CAPNS1: variants seen among roughly 807,000 people sequenced by gnomAD.
The protein encoded by CAPNS1 is CANP small subunit.
CAPNS1 carries 32 observed loss-of-function variants against 39.2 expected under a neutral mutation model. That is an observed-to-expected ratio of 0.82 (90% CI 0.62 to 1.10). The LOEUF is 1.10. Ranked by LOEUF, CAPNS1 falls within the 50% of genes least tolerant of loss-of-function variation. The probability of loss-of-function intolerance (pLI) is 0.00; values close to 1 mark genes in which losing one functional copy is unlikely to be tolerated. For missense variants in CAPNS1, 353 were observed against 373.1 expected, an observed-to-expected ratio of 0.95 and a Z score of 0.44; for synonymous variants, 153 against 136.2, an observed-to-expected ratio of 1.12 and a Z score of -0.86.
intron 9 of CAPNS1, among the ~76,000 whole-genome samples, chr19:36,149,202 C>T (rs1272681540): frequency 6.6e-6 from 1 of 152,184 alleles, no homozygotes; most frequent in Non-Finnish European, 1.5e-5. Flanking sequence ...TCCCTTCCTG[C>T]CTCATTTCTT....
intron 6 of CAPNS1, among the ~76,000 whole-genome samples, chr19:36,144,864 C>T (rs1337986052): frequency 2.6e-5 from 4 of 152,232 alleles, no homozygotes; most frequent in South Asian, 2.1e-4. Flanking sequence ...GATACCGAAT[C>T]GGAACTACAT....
At chr19:36,149,763 CT>C (rs1974708185) in intron 10 of CAPNS1, 49 bp from the exon 11 acceptor site, 2 of 1,493,940 alleles carry the variant, frequency 1.3e-6, no homozygotes, top group East Asian at 4.7e-5. Flanking sequence ...GGCAAAGGGG[CT>C]GGTGCTCTTG....
intron 2 of CAPNS1, among the ~76,000 whole-genome samples, chr19:36,142,089 G>C (rs1315984632): frequency 6.6e-6 from 1 of 152,158 alleles, no homozygotes; most frequent in African/African-American, 2.4e-5. Flanking sequence ...GGGTTTCCTC[G>C]AGGGTGGGGT....
At chr19:36,143,000 C>T in intron 5 of CAPNS1, 34 bp downstream of exon 5, 1 of 1,613,542 alleles carries the variant, frequency 6.2e-7, no homozygotes, top group Non-Finnish European at 8.5e-7. Context: ...AGGGTAGATT[C>T]AGAGGCAGAG....
chr19:36,142,222 T>A, intron 2 of CAPNS1, 78 bp from the exon 3 acceptor site: 1 of 862,834 alleles, frequency 1.2e-6, no homozygotes, highest in South Asian at 1.3e-5. Flanking sequence ...TCTGGAGCGT[T>A]GGGGCTGATG....
Position 36,141,219 on chromosome 19 carries a change from A to C in CAPNS1, c.208A>C (p.Ser70Arg). ...RILGGVISAI[S>R]EAAAQYNPEP... The stretch of plus-strand genomic sequence containing the variant: ...CCTAGGCGGAGTCATCAGCGCCATC[A>C]GGTAAGGCGGAGACTATCAGAGGGG... The change falls in exon 2 of 11, where the codon AGC becomes CGC. Residue 70 changes from serine to arginine, a missense_variant and splice_region_variant. Transcript: ENST00000246533. 6.6e-7 allele frequency: 1 copy of C among 1,505,456 alleles called. No individual in the cohort carries two copies. The highest frequency in any genetic ancestry group is 8.8e-7 in the Non-Finnish European group (1 of 1,133,570). The allele number at this position is 1,505,456 out of a possible 1,614,324, so 93.3% of individuals were successfully genotyped here.
At position 36,150,145 on chromosome 19, in the gene CAPNS1, G is replaced by T; in HGVS notation, c.*306G>T. 3.1e-6 allele frequency: 1 copy of T among 318,500 alleles called. No individual in the cohort carries two copies. The highest frequency in any genetic ancestry group is 5.7e-6 in the Non-Finnish European group (1 of 175,316). The allele number at this position is 318,500 out of a possible 1,614,324, so 19.7% of individuals were successfully genotyped here. On this transcript the variant is annotated 3_prime_UTR_variant, in exon 11 of 11. Coordinates refer to ENST00000246533, the MANE Select transcript of CAPNS1 (RefSeq NM_001749.4). ...TGTACCTGTGCCAAGCCTAGCACTTGTGATGCCTCCATGCCCCGAGGGCCC... is the reference window on the plus strand; with the variant it reads ...TGTACCTGTGCCAAGCCTAGCACTTTTGATGCCTCCATGCCCCGAGGGCCC...
At chr19:36,144,444 T>C (rs1456489447) in intron 6 of CAPNS1, among the ~76,000 whole-genome samples, 1 of 152,208 alleles carries the variant, frequency 6.6e-6, no homozygotes, top group Non-Finnish European at 1.5e-5. Flanking sequence ...CACACCCACA[T>C]ACGTGAAGGT....
chr19:36,149,419 A>G (rs1170938485), intron 9 of CAPNS1, among the ~76,000 whole-genome samples, 159 bp from the exon 10 acceptor site: 1 of 152,178 alleles, frequency 6.6e-6, no homozygotes, highest in Non-Finnish European at 1.5e-5. Flanking sequence ...AAATCAGCCA[A>G]TACCTGGAAA....
chr19:36,143,167 CAG>C (rs1444168443), intron 6 of CAPNS1, 39 bp downstream of exon 6: 8 of 1,588,348 alleles, frequency 5.0e-6, no homozygotes, highest in Admixed American at 5.0e-5. Context: ...CCTGGGTGGA[CAG>C]AGAGTTTTTT....
chr19:36,141,188 G>A lies in CAPNS1; in HGVS notation c.177G>A (p.Met59Ile). The A allele has an allele frequency of 1.4e-6, 2 of 1,454,640 alleles. No individual in the cohort carries two copies. The highest frequency in any genetic ancestry group is 1.8e-6 in the Non-Finnish European group (2 of 1,109,520). 90.1% of individuals were successfully genotyped at this position (1,454,640 alleles called of 1,614,324 possible). Residue 59 changes from methionine (M) to isoleucine (I), a missense_variant, in exon 2 of 11, where the codon ATG becomes ATA. Met to Ile is a conservative substitution (Grantham distance 10, BLOSUM62 1). Transcript: ENST00000246533. ...GCGGCGGTGGCGGTGGAACGGCCAT[G>A]CGCATCCTAGGCGGAGTCATCAGCG... ...GGGGGGGGTA[M>I]RILGGVISAI... is the part of the protein sequence containing the mutation.
chr19:36,149,747 G>A, intron 10 of CAPNS1, 66 bp from the exon 11 acceptor site: 1 of 1,590,254 alleles, frequency 6.3e-7, no homozygotes, highest in Admixed American at 1.8e-5. Context: ...GCCGTCCCTG[G>A]GTGAGGGCAA....
rs1226799635 is a variant in CAPNS1 at position 36,141,113 on chromosome 19, C to T, written c.102C>T (p.Ser34=). The change falls in exon 2 of 11, where the codon AGC becomes AGT. Residue 34 remains serine (S), a synonymous_variant. Transcript: ENST00000246533. ...GAAATGTGCTTGGAGGCCTGATCAG[C>T]GGGGCCGGGGGCGGCGGCGGCGGCG... The part of the protein sequence containing the change: ...GLGNVLGGLI[S]GAGGGGGGGG... 7 of 1,385,086 alleles carry T rather than the reference C, an allele frequency of 5.1e-6. No homozygotes were observed. In the African/African-American group the frequency reaches 6.2e-5, roughly 12 times the overall value. 85.8% of individuals were successfully genotyped at this position (1,385,086 alleles called of 1,614,324 possible).
At position 36,141,223 on chromosome 19, in the gene CAPNS1, A is replaced by G. The variant is rs901350121; in HGVS notation, c.209+3A>G. On this transcript the variant is annotated splice_donor_region_variant and intron_variant, in intron 2 of 10. Coordinates refer to ENST00000246533, the MANE Select transcript of CAPNS1 (RefSeq NM_001749.4). ...GGCGGAGTCATCAGCGCCATCAGGT[A>G]AGGCGGAGACTATCAGAGGGGCGGG... 4.0e-6 allele frequency: 6 copies of G among 1,513,424 alleles called. No individual in the cohort carries two copies. Among genetic ancestry groups the G allele is most frequent in the African/African-American group, 2.9e-5 (2 of 68,972 alleles). 93.7% of individuals were successfully genotyped at this position (1,513,424 alleles called of 1,614,324 possible). A position where few individuals can be genotyped will look rare whatever the true frequency, so the allele number is the denominator to read the frequency against.
chr19:36,142,360 C>T (rs768321242), intron 3 of CAPNS1, 27 bp downstream of exon 3: 10 of 1,357,554 alleles, frequency 7.4e-6, no homozygotes, highest in African/African-American at 4.3e-5. Context: ...ACCAGACCCC[C>T]TTCTCCTGCC....
At position 36,149,998 on chromosome 19, in the gene CAPNS1, TC is replaced by T; in HGVS notation, c.*161del. 1.6e-6 allele frequency: 1 copy of T among 635,224 alleles called. No homozygotes were observed. The highest frequency in any genetic ancestry group is 2.4e-6 in the Non-Finnish European group (1 of 424,242). The allele number at this position is 635,224 out of a possible 1,614,324, so 39.3% of individuals were successfully genotyped here. On this transcript the variant is annotated 3_prime_UTR_variant, in exon 11 of 11. Transcript: ENST00000246533. ...GTACTTGTTACCCAGCTTCTCAACA[TC>T]CAGGGCCCAATTTGCCCTGCCTGGA...
Position 36,143,115 on chromosome 19 carries a change from T to G in CAPNS1, c.443T>G (p.Val148Gly), listed in dbSNP as rs1317414199. 6.2e-7 allele frequency: 1 copy of G among 1,614,100 alleles called. No individual in the cohort carries two copies. The highest frequency in any genetic ancestry group is 1.7e-5 in the Admixed American group (1 of 60,022). Residue 148 changes from valine (V) to glycine (G), a missense_variant, in exon 6 of 11, where the codon GTG becomes GGG. Val to Gly is a moderately radical substitution (Grantham distance 109). Coordinates refer to ENST00000246533, the MANE Select transcript of CAPNS1 (RefSeq NM_001749.4). ...GGCATTGACACATGTCGCAGCATGG[T>G]GGCCGTGATGGATGTATCCTTGGGG... The part of the protein sequence containing the change: ...GFGIDTCRSM[V>G]AVMDSDTTGK...
chr19:36,144,896 A>G (rs930266558), intron 6 of CAPNS1, among the ~76,000 whole-genome samples: 29 of 152,232 alleles, frequency 1.9e-4, no homozygotes, highest in African/African-American at 6.8e-4. Flanking sequence ...AGCACAGTGT[A>G]TAGCGCATAG....
Position 36,142,314 on chromosome 19 carries a change from A to G in CAPNS1, c.224A>G (p.Gln75Arg), listed in dbSNP as rs1338454475. Residue 75 changes from glutamine (Q) to arginine (R), a missense_variant, in exon 3 of 11, where the codon CAG (glutamine) becomes CGG (arginine). Coordinates refer to ENST00000246533, the MANE Select transcript of CAPNS1 (RefSeq NM_001749.4). Reference protein sequence around the residue: ...VISAISEAAAQYNPEPPPPRT... With the variant: ...VISAISEAAARYNPEPPPPRT... ...TCTCTTCGCAGCGAGGCGGCTGCGC[A>G]GTACAACCCGGAGCCCCCGGTAAGC... 7.4e-6 allele frequency: 11 copies of G among 1,489,074 alleles called. No homozygotes were observed. Among genetic ancestry groups the G allele is most frequent in the Non-Finnish European group, 8.1e-6 (9 of 1,108,604 alleles). The allele number at this position is 1,489,074 out of a possible 1,614,324, so 92.2% of individuals were successfully genotyped here. A position where few individuals can be genotyped will look rare whatever the true frequency, so the allele number is the denominator to read the frequency against.
Sources: gnomAD v4.1 joint callset for allele counts (sites outside exome capture counted in the v4.1 genomes callset) on GRCh38, gnomAD v4.1.1 for gene constraint, MANE v1.5 for transcripts, NCBI Gene and HGNC (gene_info 2026-07-23, HGNC 2026-07-21) for gene names.